Variants in TAF9 observed in about 807,000 individuals in gnomAD.
TAF9 encodes TATA-box binding protein associated factor 9.
A neutral mutation model predicts 16.5 loss-of-function variants in TAF9; 10 were observed. That is an observed-to-expected ratio of 0.61 (90% confidence interval 0.37 to 1.03). TAF9 has a LOEUF of 1.03. Ranked by LOEUF, TAF9 falls within the 50% of genes least tolerant of loss-of-function variation. The pLI, the probability that TAF9 is intolerant of heterozygous loss-of-function variation, is 0.01. For synonymous variants in TAF9, 105 were observed against 120.5 expected, an observed-to-expected ratio of 0.87 and a Z score of 0.84; for missense variants, 288 against 319.1, an observed-to-expected ratio of 0.90 and a Z score of 0.74.
intron 2 of TAF9, among the ~76,000 whole-genome samples, 180 bp from the exon 3 acceptor site, chr5:69,365,934 G>C (rs1762404235): frequency 6.6e-6 from 1 of 151,918 alleles, no homozygotes; most frequent in Admixed American, 6.6e-5. Context: ...TTAATTTATT[G>C]AGTTCCTACC....
upstream of TAF9, chr5:69,369,795 G>T: frequency 7.7e-7 from 1 of 1,301,988 alleles, no homozygotes; most frequent in Non-Finnish European, 1.1e-6. Context: ...GCGCCGACCA[G>T]TCTGGAAGGT....
chr5:69,369,640 C>G, upstream of TAF9: 1 of 1,564,112 alleles, frequency 6.4e-7, no homozygotes, highest in Non-Finnish European at 8.7e-7. Flanking sequence ...GCGGCCCAGC[C>G]GCGGCCCACT....
At chr5:69,369,722 G>A, upstream of TAF9, 1 of 1,549,808 alleles carries the variant, frequency 6.5e-7, no homozygotes, top group Non-Finnish European at 8.7e-7. Context: ...TCGGTACTTC[G>A]GGTCAGGCAG....
chr5:69,369,524 C>T (rs4252218), upstream of TAF9: 371 of 1,611,356 alleles, frequency 2.3e-4, 1 homozygote, highest in African/African-American at 4.5e-3. Flanking sequence ...GCGCCTCGCT[C>T]ACGTGCCCTT....
Position 69,366,806 on chromosome 5 carries a change from T to A in TAF9, c.-110-211A>T, listed in dbSNP as rs1289089970. On this transcript the variant is annotated intron_variant, in intron 1 of 2. Transcript: ENST00000217893. Reference sequence around the variant, plus strand: ...AGAGTTTCACTCTTGTCGCCCAGGCTGGAGTGCAGTGGCACAATCTTGGCT... The same window carrying A: ...AGAGTTTCACTCTTGTCGCCCAGGCAGGAGTGCAGTGGCACAATCTTGGCT... 9.4e-6 allele frequency: 5 copies of A among 529,452 alleles called. No homozygotes were observed. In the East Asian group the frequency reaches 1.6e-4, roughly 17 times the overall value. The allele number at this position is 529,452 out of a possible 1,614,324, so 32.8% of individuals were successfully genotyped here.
chr5:69,367,029 G>C (rs1762460153), intron 1 of TAF9, among the ~76,000 whole-genome samples: 1 of 152,020 alleles, frequency 6.6e-6, no homozygotes, highest in Non-Finnish European at 1.5e-5. Flanking sequence ...AAAGTGCTGG[G>C]ATTACAGGCG....
Position 69,366,532 on chromosome 5 carries a change from T to G in TAF9, c.-47A>C. The G allele has an allele frequency of 1.9e-6, 3 of 1,614,030 alleles. No homozygotes were observed. Among genetic ancestry groups the G allele is most frequent in the Non-Finnish European group, 2.5e-6 (3 of 1,179,976 alleles). ...TCGAGCTAAATCACCCACATTAATG[T>G]ATTTCAGTCCTGATTTTGACGCAAG... On this transcript the variant is annotated 5_prime_UTR_variant, in exon 2 of 3. Transcript: ENST00000217893.
chr5:69,365,815 C>T (rs1762396927), intron 2 of TAF9, 61 bp from the exon 3 acceptor site: 1 of 1,246,770 alleles, frequency 8.0e-7, no homozygotes, highest in Non-Finnish European at 1.1e-6. Flanking sequence ...ACTTTAGTAG[C>T]AACTGTCAGG....
intron 1 of TAF9, among the ~76,000 whole-genome samples, chr5:69,367,494 G>A (rs1762495183): frequency 1.7e-5 from 2 of 119,670 alleles, no homozygotes; most frequent in Admixed American, 2.0e-4. Context: ...TGGCGACAGA[G>A]ACTCCATCTC....
At chr5:69,366,705 G>A (rs769702719) in intron 1 of TAF9, 110 bp from the exon 2 acceptor site, 22 of 766,698 alleles carry the variant, frequency 2.9e-5, no homozygotes, top group Non-Finnish European at 4.8e-5. Flanking sequence ...CCTGGCCTCT[G>A]CCCTTAAAAG....
chr5:69,365,848 A>G lies in TAF9; in HGVS notation c.-17-94T>C, dbSNP rs564040390. 4.4e-6 allele frequency: 4 copies of G among 918,894 alleles called. No homozygotes were observed. The East Asian group carries it at 8.9e-5, about 20-fold the overall frequency. 56.9% of individuals were successfully genotyped at this position (918,894 alleles called of 1,614,324 possible). ...AGGAACTTAAAAAAATTTTAAATCTATGTTAAACTGTAAAAAAATTTTTAA... is the reference window on the plus strand; with the variant it reads ...AGGAACTTAAAAAAATTTTAAATCTGTGTTAAACTGTAAAAAAATTTTTAA... On this transcript the variant is annotated intron_variant, in intron 2 of 2. Transcript: ENST00000217893.
chr5:69,367,418 G>A (rs1020232263), intron 1 of TAF9, among the ~76,000 whole-genome samples: 7 of 149,738 alleles, frequency 4.7e-5, no homozygotes, highest in Non-Finnish European at 8.9e-5. Context: ...GCTGAGGCAG[G>A]AGAATCCCTT....
intron 1 of TAF9, among the ~76,000 whole-genome samples, chr5:69,368,200 A>G (rs1762584008): frequency 3.9e-5 from 6 of 152,188 alleles, no homozygotes; most frequent in Admixed American, 3.9e-4. Context: ...TACAACACAT[A>G]TTCCCTTTTA....
chr5:69,366,882 C>A (rs900468011), intron 1 of TAF9: 24 of 330,018 alleles, frequency 7.3e-5, no homozygotes, highest in African/African-American at 4.0e-4. Flanking sequence ...CCTCAGTCTC[C>A]TCAGTAGCTG....
At chr5:69,369,415 C>CG in intron 1 of TAF9, 48 bp downstream of exon 1, 1 of 1,597,814 alleles carries the variant, frequency 6.3e-7, no homozygotes. Flanking sequence ...GAGCACTCTG[C>CG]GCCCCCAGCC....
At chr5:69,367,998 CAAACAAAAACAA>C (rs1338173294) in intron 1 of TAF9, 1 of 152,148 alleles carries the variant, frequency 6.6e-6, no homozygotes, top group African/African-American at 2.4e-5. Context: ...GACTCTGTCT[CAAACAAAAACAA>C]AAACAAGAAC....
chr5:69,366,101 T>C (rs1486682956), intron 2 of TAF9, among the ~76,000 whole-genome samples: 4 of 152,200 alleles, frequency 2.6e-5, no homozygotes, highest in African/African-American at 9.7e-5. Flanking sequence ...TACCATAGCA[T>C]AGTCAGGTCC....
At position 69,364,939 on chromosome 5, in the gene TAF9, T is replaced by C. The variant is rs1489228750; in HGVS notation, c.*4A>G. On this transcript the variant is annotated 3_prime_UTR_variant, in exon 3 of 3. Transcript: ENST00000217893. ...GTATACATGTTACATTCAGCAAGGCTAGATTACAGATTATCATAGTCATCA... is the reference window on the plus strand; with the variant it reads ...GTATACATGTTACATTCAGCAAGGCCAGATTACAGATTATCATAGTCATCA... 5.6e-6 allele frequency: 9 copies of C among 1,604,846 alleles called. No homozygotes were observed. Among genetic ancestry groups the C allele is most frequent in the East Asian group, 2.2e-5 (1 of 44,810 alleles).
chr5:69,366,650 C>T (rs1281712608), intron 1 of TAF9, 55 bp from the exon 2 acceptor site: 9 of 1,241,576 alleles, frequency 7.2e-6, no homozygotes, highest in Admixed American at 1.7e-5. Context: ...TATCACACTG[C>T]GGTCCACCTT....
Sources: allele counts gnomAD v4.1 joint callset (sites outside exome capture counted in the v4.1 genomes callset), GRCh38; gene constraint gnomAD v4.1.1; transcripts MANE v1.5; gene names NCBI Gene and HGNC (gene_info 2026-07-23, HGNC 2026-07-21).